The following FMN1 variants were observed in gnomAD, a reference collection of about 807,000 sequenced individuals.
The protein encoded by FMN1 is formin-1.
FMN1 carries 110 observed loss-of-function variants against 132.4 expected under a neutral mutation model. That is an observed-to-expected ratio of 0.83 (90% CI 0.71 to 0.97). The LOEUF (loss-of-function observed/expected upper bound fraction) is 0.97. FMN1 is among the 50% of genes least tolerant of loss of function. The pLI is 0.00. For missense variants in FMN1, 1,792 were observed against 1,705.3 expected (o/e 1.05, Z -0.90); for synonymous variants, 722 against 651.7 (o/e 1.11, Z -1.64).
chr15:32,825,443 GAT>G (rs2058340816), intron 17 of FMN1, among the ~76,000 whole-genome samples: 1 of 152,128 alleles, frequency 6.6e-6, no homozygotes, highest in Non-Finnish European at 1.5e-5. Flanking sequence ...TTCTGCGTAC[GAT>G]GTGTTTTTCT....
At chr15:32,802,471 C>T (rs569754317) in intron 18 of FMN1, among the ~76,000 whole-genome samples, 68 of 152,288 alleles carry the variant, frequency 4.5e-4, no homozygotes, top group African/African-American at 1.6e-3. Context: ...AATATTGCAA[C>T]ACTGACCACA....
intron 5 of FMN1, among the ~76,000 whole-genome samples, chr15:33,077,304 G>C (rs945405557): frequency 1.3e-5 from 2 of 150,130 alleles, no homozygotes; most frequent in Admixed American, 1.3e-4. Flanking sequence ...TAAAGCACTG[G>C]GATTACAAGT....
chr15:33,017,070 G>T (rs2035092393), intron 6 of FMN1, among the ~76,000 whole-genome samples: 1 of 151,954 alleles, frequency 6.6e-6, no homozygotes, highest in Non-Finnish European at 1.5e-5. Context: ...ATCAAATTTG[G>T]GGTGGCTGGG....
At position 32,898,901 on chromosome 15, in the gene FMN1, TA is replaced by T; in HGVS notation, c.3655-9del. ...CAGATTAATCCCATTATCCTAGGTT[TA>T]AAAGAGAAATGTACATGAAAATCAT... On this transcript the variant is annotated splice_polypyrimidine_tract_variant and intron_variant, in intron 14 of 20. Transcript: ENST00000616417. 6.4e-7 allele frequency: 1 copy of T among 1,567,078 alleles called. No individual in the cohort carries two copies. Among genetic ancestry groups the T allele is most frequent in the Non-Finnish European group, 8.8e-7 (1 of 1,139,458 alleles).
chr15:33,137,281 T>C (rs527931314), intron 4 of FMN1, among the ~76,000 whole-genome samples: 1 of 152,248 alleles, frequency 6.6e-6, no homozygotes, highest in East Asian at 1.9e-4. Flanking sequence ...CCTTTCCCCA[T>C]TCCCTGTTGC....
intron 6 of FMN1, among the ~76,000 whole-genome samples, chr15:33,019,038 C>T (rs77365662): frequency 0.025 from 3,851 of 152,236 alleles, 170 homozygotes; most frequent in African/African-American, 0.088. Flanking sequence ...CGGAAGAGGA[C>T]CTGAGCGGGT....
intron 6 of FMN1, among the ~76,000 whole-genome samples, chr15:33,061,818 A>G (rs1416028673): frequency 6.6e-6 from 1 of 152,024 alleles, no homozygotes; most frequent in South Asian, 2.1e-4. Context: ...AGCAATTTAG[A>G]AAAAAAAGTT....
chr15:33,020,703 C>T (rs2035373958), intron 6 of FMN1, among the ~76,000 whole-genome samples: 1 of 151,588 alleles, frequency 6.6e-6, no homozygotes, highest in Non-Finnish European at 1.5e-5. Flanking sequence ...TCAGTGTCTC[C>T]GTGTGCCAGG....
chr15:32,808,309 T>A (rs1266341187), intron 17 of FMN1, among the ~76,000 whole-genome samples: 1 of 152,182 alleles, frequency 6.6e-6, no homozygotes, highest in Non-Finnish European at 1.5e-5. Flanking sequence ...GTCACCTGAG[T>A]GTCATGAGCC....
intron 5 of FMN1, among the ~76,000 whole-genome samples, chr15:33,079,981 T>C (rs1408212852): frequency 6.6e-6 from 1 of 152,196 alleles, no homozygotes; most frequent in Non-Finnish European, 1.5e-5. Flanking sequence ...ACATGATCTG[T>C]CTCTCATTCT....
chr15:32,821,479 T>A (rs2058216952), intron 17 of FMN1, among the ~76,000 whole-genome samples: 1 of 128,340 alleles, frequency 7.8e-6, no homozygotes, highest in African/African-American at 2.9e-5. Flanking sequence ...TGAGATGGAG[T>A]CTTGCTCTGT....
At chr15:33,174,992 T>C (rs1454785217) in intron 3 of FMN1, among the ~76,000 whole-genome samples, 1 of 152,180 alleles carries the variant, frequency 6.6e-6, no homozygotes, top group East Asian at 1.9e-4. Flanking sequence ...TCACATCTGC[T>C]TTAAATAGTA....
intron 9 of FMN1, among the ~76,000 whole-genome samples, chr15:32,962,749 C>T (rs1465727730): frequency 6.6e-5 from 10 of 150,730 alleles, no homozygotes; most frequent in African/African-American, 2.2e-4. Context: ...AAAATGCTCA[C>T]CATCACTGGC....
In FMN1 at chr15:33,014,083, T is replaced by A. The variant is rs994757304; in HGVS notation, c.2162-6008A>T. 2.6e-5 allele frequency among the ~76,000 whole-genome samples: 4 copies of A among 152,072 alleles called. No individual in the cohort carries two copies. In the South Asian group the frequency reaches 8.3e-4, roughly 31 times the overall value. On this transcript the variant is annotated intron_variant, in intron 6 of 20. Transcript: ENST00000616417. ...ACGGGTGGCAGGAAACACACTCCCATCCCAACAAGGATGACAGAATCCCTG... is the reference window on the plus strand; with the variant it reads ...ACGGGTGGCAGGAAACACACTCCCAACCCAACAAGGATGACAGAATCCCTG...
chr15:33,007,890 G>A (rs1019759759), intron 7 of FMN1, 124 bp downstream of exon 7: 3 of 695,940 alleles, frequency 4.3e-6, no homozygotes, highest in East Asian at 5.5e-5. Flanking sequence ...GTGCCTACTG[G>A]CAGCTGCAAG....
chr15:32,936,763 AAG>A (rs1239914369), intron 9 of FMN1, among the ~76,000 whole-genome samples: 2 of 152,148 alleles, frequency 1.3e-5, no homozygotes, highest in Admixed American at 1.3e-4. Flanking sequence ...GAAGAAGAGC[AAG>A]AGGAGGAGGA....
chr15:32,895,088 A>G (rs910755371), intron 15 of FMN1, among the ~76,000 whole-genome samples: 2 of 152,188 alleles, frequency 1.3e-5, no homozygotes, highest in Non-Finnish European at 2.9e-5. Context: ...ATAAGCTATT[A>G]TAAGTAAATA....
intron 16 of FMN1, among the ~76,000 whole-genome samples, chr15:32,862,920 C>A (rs977704222): frequency 3.3e-5 from 5 of 152,212 alleles, no homozygotes; most frequent in African/African-American, 9.6e-5. Context: ...CACAGTCCTG[C>A]GCCAGTTCTG....
intron 9 of FMN1, among the ~76,000 whole-genome samples, chr15:32,950,775 C>G (rs994631973): frequency 3.9e-5 from 6 of 152,102 alleles, no homozygotes; most frequent in Non-Finnish European, 8.8e-5. Context: ...ATAATCTATG[C>G]AACAAACCCC....
Sources: gnomAD v4.1 joint callset for allele counts (sites outside exome capture counted in the v4.1 genomes callset) on GRCh38, gnomAD v4.1.1 for gene constraint, MANE v1.5 for transcripts, NCBI Gene and HGNC (gene_info 2026-07-23, HGNC 2026-07-21) for gene names.